Variants in CCDC91 observed in about 807,000 individuals in gnomAD.
CCDC91 encodes the protein coiled-coil domain containing 91.
In CCDC91, 48 loss-of-function variants were observed where a neutral mutation model predicts 63.2. The ratio of observed to expected loss-of-function variants is 0.76; its 90% confidence interval spans 0.60 to 0.97. The LOEUF (loss-of-function observed/expected upper bound fraction) is 0.97, where lower values mean the gene tolerates loss of function less well. Among genes scored for constraint, CCDC91 ranks in the 50% least tolerant of loss-of-function variants. CCDC91 has a pLI of 0.00. For synonymous variants in CCDC91, 167 were observed against 165.8 expected (o/e 1.01, Z -0.06); for missense variants, 500 against 494.6 (o/e 1.01, Z -0.10).
At chr12:28,217,392 A>G (rs1193029942) in intron 1 of CCDC91, among the ~76,000 whole-genome samples, 1 of 152,046 alleles carries the variant, frequency 6.6e-6, no homozygotes, top group African/African-American at 2.4e-5. Flanking sequence ...ATTTTAGGAA[A>G]TTTTCCGAAA....
intron 1 of CCDC91, among the ~76,000 whole-genome samples, chr12:28,233,930 G>A (rs1175369243): frequency 1.3e-5 from 2 of 151,886 alleles, no homozygotes; most frequent in Admixed American, 6.6e-5. Flanking sequence ...GTAAAATACC[G>A]GTAAAATTGA....
chr12:28,405,039 T>C (rs1021539158), intron 8 of CCDC91, among the ~76,000 whole-genome samples: 7 of 152,026 alleles, frequency 4.6e-5, no homozygotes, highest in East Asian at 3.9e-4. Context: ...ATTTCCACCA[T>C]ATTTGTTATT....
chr12:28,198,380 C>T (rs758759772), intron 1 of CCDC91, among the ~76,000 whole-genome samples: 7 of 152,152 alleles, frequency 4.6e-5, no homozygotes, highest in Non-Finnish European at 1.0e-4. Flanking sequence ...AAACTACATG[C>T]TTAGACATCA....
intron 7 of CCDC91, among the ~76,000 whole-genome samples, chr12:28,370,694 G>T (rs561620275): frequency 6.6e-6 from 1 of 152,294 alleles, no homozygotes. Context: ...AACTACTTGA[G>T]ACTGGGTAAT....
intron 12 of CCDC91, among the ~76,000 whole-genome samples, chr12:28,499,412 T>C (rs1952496890): frequency 1.3e-5 from 2 of 151,784 alleles, no homozygotes; most frequent in Non-Finnish European, 2.9e-5. Flanking sequence ...AATGTGCAGG[T>C]TTGTTTCATA....
At chr12:28,458,627 A>G (rs1950170662) in intron 11 of CCDC91, among the ~76,000 whole-genome samples, 1 of 151,078 alleles carries the variant, frequency 6.6e-6, no homozygotes. Context: ...ACACCACCAC[A>G]CCTGGCTAAT....
At chr12:28,215,688 T>C (rs1447898235) in intron 1 of CCDC91, among the ~76,000 whole-genome samples, 1 of 152,084 alleles carries the variant, frequency 6.6e-6, no homozygotes, top group Non-Finnish European at 1.5e-5. Flanking sequence ...AAATGCCTAG[T>C]ACAAGCAGAA....
chr12:28,378,391 G>T (rs1945079029), intron 7 of CCDC91, among the ~76,000 whole-genome samples: 1 of 151,942 alleles, frequency 6.6e-6, no homozygotes, highest in African/African-American at 2.4e-5. Context: ...CTCTTAAATT[G>T]TTTGTACCGT....
chr12:28,262,861 A>T (rs1279013814), intron 3 of CCDC91, among the ~76,000 whole-genome samples: 1 of 151,994 alleles, frequency 6.6e-6, no homozygotes, highest in East Asian at 1.9e-4. Context: ...CTCCATAAAC[A>T]TTTAGAAATT....
chr12:28,259,703 A>G (rs979443508), intron 3 of CCDC91, among the ~76,000 whole-genome samples: 14 of 151,888 alleles, frequency 9.2e-5, no homozygotes, highest in African/African-American at 3.1e-4. Context: ...ACATTTTTAA[A>G]TTTATCTTAG....
intron 1 of CCDC91, chr12:28,198,981 A>G (rs1480841831): frequency 6.6e-6 from 1 of 151,088 alleles, no homozygotes; most frequent in Non-Finnish European, 1.5e-5. Flanking sequence ...TGGCGCCATC[A>G]TAGCTCACTG....
chr12:28,461,338 G>C (rs1950302035), intron 11 of CCDC91, among the ~76,000 whole-genome samples: 1 of 151,968 alleles, frequency 6.6e-6, no homozygotes, highest in African/African-American at 2.4e-5. Context: ...AATCTCTACT[G>C]TCCTTTCTAC....
chr12:28,454,615 A>G (rs1169962266), intron 11 of CCDC91, among the ~76,000 whole-genome samples: 3 of 152,100 alleles, frequency 2.0e-5, no homozygotes, highest in Admixed American at 6.6e-5. Flanking sequence ...CGCTATCTTT[A>G]TTCTCACAGG....
chr12:28,220,556 C>G (rs1943868655), intron 1 of CCDC91, among the ~76,000 whole-genome samples: 2 of 150,342 alleles, frequency 1.3e-5, no homozygotes, highest in Admixed American at 6.6e-5. Context: ...TGTGTAGATT[C>G]AGATTTCAAT....
intron 1 of CCDC91, among the ~76,000 whole-genome samples, chr12:28,231,144 A>C (rs551249810): frequency 6.6e-6 from 1 of 152,108 alleles, no homozygotes; most frequent in Admixed American, 6.5e-5. Context: ...ATACTTTTCT[A>C]TGTTGTAATT....
intron 12 of CCDC91, among the ~76,000 whole-genome samples, chr12:28,503,670 G>T (rs1938285617): frequency 2.6e-5 from 4 of 152,126 alleles, no homozygotes; most frequent in Admixed American, 2.6e-4. Flanking sequence ...CAGTAGCAAA[G>T]ACTTGGAACC....
intron 12 of CCDC91, among the ~76,000 whole-genome samples, chr12:28,491,942 T>C (rs1952031994): frequency 6.7e-6 from 1 of 149,262 alleles, no homozygotes; most frequent in Non-Finnish European, 1.5e-5. Flanking sequence ...AATGTGTGTG[T>C]GCGTGTATGA....
At chr12:28,362,895 T>C (rs1943997895) in intron 7 of CCDC91, among the ~76,000 whole-genome samples, 1 of 152,170 alleles carries the variant, frequency 6.6e-6, no homozygotes, top group Non-Finnish European at 1.5e-5. Context: ...GCTTTTCTTT[T>C]CTTAAACAAA....
At chr12:28,295,957 A>G (rs1288387751) in intron 3 of CCDC91, among the ~76,000 whole-genome samples, 1 of 151,994 alleles carries the variant, frequency 6.6e-6, no homozygotes, top group Non-Finnish European at 1.5e-5. Context: ...AAATTTGGAT[A>G]AAAAGATACT....
Sources: allele counts gnomAD v4.1 joint callset (sites outside exome capture counted in the v4.1 genomes callset), GRCh38; gene constraint gnomAD v4.1.1; transcripts MANE v1.5; gene names NCBI Gene and HGNC (gene_info 2026-07-23, HGNC 2026-07-21).